Variants in GPBP1L1 observed in about 807,000 individuals in gnomAD.
GPBP1L1 encodes vasculin-like protein 1.
GPBP1L1 carries 23 observed loss-of-function variants against 52.5 expected under a neutral mutation model. That is an observed-to-expected ratio of 0.44 (90% CI 0.32 to 0.62). GPBP1L1 has a LOEUF of 0.62. Ranked by LOEUF, GPBP1L1 falls within the 20% of genes least tolerant of loss-of-function variation. The probability of loss-of-function intolerance (pLI) is 0.06; values close to 1 mark genes in which losing one functional copy is unlikely to be tolerated. For missense variants in GPBP1L1, 596 were observed against 579.3 expected (o/e 1.03, Z -0.30); for synonymous variants, 243 against 203.1 (o/e 1.20, Z -1.67).
chr1:45,676,881 A>T (rs1377209867), intron 2 of GPBP1L1, among the ~76,000 whole-genome samples: 3 of 151,524 alleles, frequency 2.0e-5, no homozygotes, highest in African/African-American at 7.3e-5. Context: ...CCTGTCTCAA[A>T]ACAGCAACAA....
chr1:45,686,539 C>T (rs1344462921), upstream of GPBP1L1: 1 of 152,496 alleles, frequency 6.6e-6, no homozygotes, highest in Non-Finnish European at 1.5e-5. Context: ...GCTGCCCGGC[C>T]CACAAGGTCC....
intron 1 of GPBP1L1, among the ~76,000 whole-genome samples, chr1:45,685,941 G>A (rs1645276001): frequency 1.3e-5 from 2 of 152,122 alleles, no homozygotes; most frequent in South Asian, 4.2e-4. Context: ...AAAGCTGGGG[G>A]TTAAAACTTT....
intron 2 of GPBP1L1, among the ~76,000 whole-genome samples, chr1:45,678,650 T>C (rs907758219): frequency 1.3e-4 from 20 of 152,192 alleles, no homozygotes; most frequent in African/African-American, 4.1e-4. Context: ...CCAGGTTAAG[T>C]GACACAGTCT....
rs1224557232 is a variant in GPBP1L1, at chr1:45,659,024, G to C, written c.60+4C>G. 1.9e-6 allele frequency: 3 copies of C among 1,589,568 alleles called. No individual in the cohort carries two copies. Among genetic ancestry groups the C allele is most frequent in the South Asian group, 2.2e-5 (2 of 90,618 alleles). On this transcript the variant is annotated splice_donor_region_variant and intron_variant, in intron 4 of 12. Coordinates refer to ENST00000355105, the MANE Select transcript of GPBP1L1 (RefSeq NM_021639.5). ...GAAGTTACTACAGGAATGGAGAACA[G>C]TACCTTAGCTGACTGTGGTGTTGAG...
intron 2 of GPBP1L1, among the ~76,000 whole-genome samples, chr1:45,681,686 T>C (rs1311321408): frequency 6.6e-6 from 1 of 152,228 alleles, no homozygotes; most frequent in Non-Finnish European, 1.5e-5. Context: ...ATTATACAAA[T>C]ATTATTTATT....
At chr1:45,644,645 T>C (rs1294554011) in intron 6 of GPBP1L1, among the ~76,000 whole-genome samples, 1 of 152,188 alleles carries the variant, frequency 6.6e-6, no homozygotes, top group African/African-American at 2.4e-5. Context: ...TACTAGTTTT[T>C]AGAAAATCTT....
chr1:45,656,666 A>AG (rs1166546264), intron 4 of GPBP1L1, among the ~76,000 whole-genome samples: 1 of 149,610 alleles, frequency 6.7e-6, no homozygotes, highest in African/African-American at 2.5e-5. Context: ...TACATACATA[A>AG]GCCTTTTTTT....
At position 45,630,559 on chromosome 1, in the gene GPBP1L1, G is replaced by A; in HGVS notation, c.1092C>T (p.Gly364=). The A allele has an allele frequency of 6.2e-7, 1 of 1,614,002 alleles. No homozygotes were observed. Among genetic ancestry groups the A allele is most frequent in the Non-Finnish European group, 8.5e-7 (1 of 1,179,890 alleles). The change falls in exon 11 of 13, where the codon GGC becomes GGT. Residue 364 remains glycine, a synonymous_variant. Coordinates refer to ENST00000355105, the MANE Select transcript of GPBP1L1 (RefSeq NM_021639.5). The part of the protein sequence containing the change: ...TPEPKENGEE[G]CHQNGLALPV... ...GGAGGGCAAGACCATTTTGATGACA[G>A]CCTTCCTCCCCATTTTCCTTTGGTT...
At chr1:45,669,623 C>A (rs972753205) in intron 2 of GPBP1L1, among the ~76,000 whole-genome samples, 40 of 104,152 alleles carry the variant, frequency 3.8e-4, no homozygotes, top group Non-Finnish European at 7.2e-4. Flanking sequence ...TATGACCCCC[C>A]CTCCAACCCC....
intron 2 of GPBP1L1, among the ~76,000 whole-genome samples, chr1:45,669,238 T>A (rs996501640): frequency 2.6e-5 from 4 of 152,196 alleles, no homozygotes; most frequent in African/African-American, 9.6e-5. Context: ...CAATCATAGT[T>A]CACCATAGCT....
At chr1:45,684,151 G>A (rs1159715916) in intron 2 of GPBP1L1, among the ~76,000 whole-genome samples, 1 of 150,676 alleles carries the variant, frequency 6.6e-6, no homozygotes, top group African/African-American at 2.4e-5. Flanking sequence ...CCAGCTACTC[G>A]GGAGGCTGAG....
chr1:45,665,570 G>C (rs1175389146), intron 2 of GPBP1L1, among the ~76,000 whole-genome samples: 2 of 151,762 alleles, frequency 1.3e-5, no homozygotes, highest in Non-Finnish European at 2.9e-5. Flanking sequence ...GTGAAACCCT[G>C]TCTCTGCTAA....
rs371278321 is a variant in GPBP1L1 at position 45,680,170 on chromosome 1, T to C, written c.-1098+5406A>G. Among the ~76,000 whole-genome samples the C allele has an allele frequency of 5.9e-5, 9 of 151,920 alleles. No homozygotes were observed. In the East Asian group the frequency reaches 1.7e-3, roughly 29 times the overall value. On this transcript the variant is annotated intron_variant, in intron 2 of 12. Coordinates refer to ENST00000355105, the MANE Select transcript of GPBP1L1 (RefSeq NM_021639.5). ...AGTAAACAGGCTATTTGTAACATTT[T>C]CAAAACTATAGTTTTTTTAAACAAA...
chr1:45,630,343 G>A, intron 11 of GPBP1L1, 139 bp downstream of exon 11: 1 of 935,592 alleles, frequency 1.1e-6, no homozygotes, highest in Non-Finnish European at 1.6e-6. Context: ...GGCCAACCTG[G>A]GGCATACACA....
intron 4 of GPBP1L1, 173 bp from the exon 5 acceptor site, chr1:45,655,492 C>T (rs1569831084): frequency 1.7e-6 from 1 of 597,266 alleles, no homozygotes; most frequent in Non-Finnish European, 2.9e-6. Context: ...TAGAGAAGTC[C>T]TAGGTTATAT....
chr1:45,686,567 TGGA>T (rs1013240933), upstream of GPBP1L1: 29 of 152,694 alleles, frequency 1.9e-4, no homozygotes, highest in Non-Finnish European at 3.1e-4. Context: ...GCAGAGCGGG[TGGA>T]GGAGGAGGAG....
In GPBP1L1 at chr1:45,628,307, T is replaced by C. The variant is rs1309668103; in HGVS notation, c.1374A>G (p.Ser458=). The part of the protein sequence containing the change: ...RSTCKAEFED[S]DTETSSSETS... The stretch of plus-strand genomic sequence containing the variant: ...TTTCACTGCTACTGGTTTCGGTGTC[T>C]GAGTCCTCAAACTCTGCTTTGCAAG... Residue 458 remains serine, a synonymous_variant, in exon 13 of 13, where the codon TCA becomes TCG. Transcript: ENST00000355105. 1 of 1,614,190 alleles carries C rather than the reference T, an allele frequency of 6.2e-7. No homozygotes were observed. Among genetic ancestry groups the C allele is most frequent in the Non-Finnish European group, 8.5e-7 (1 of 1,180,034 alleles).
At chr1:45,684,217 C>T (rs1321397840) in intron 2 of GPBP1L1, among the ~76,000 whole-genome samples, 4 of 134,838 alleles carry the variant, frequency 3.0e-5, no homozygotes, top group Non-Finnish European at 4.6e-5. Flanking sequence ...GAAATCAAGC[C>T]ACCGCACTCC....
chr1:45,683,511 T>C (rs974256335), intron 2 of GPBP1L1, among the ~76,000 whole-genome samples: 3 of 149,624 alleles, frequency 2.0e-5, no homozygotes, highest in Non-Finnish European at 4.4e-5. Context: ...GGCCTGAATA[T>C]AGACTGTTAC....
Sources: allele counts gnomAD v4.1 joint callset (sites outside exome capture counted in the v4.1 genomes callset), GRCh38; gene constraint gnomAD v4.1.1; transcripts MANE v1.5; gene names NCBI Gene and HGNC (gene_info 2026-07-23, HGNC 2026-07-21).